The following CTNND2 variants were observed in gnomAD, a reference collection of about 807,000 sequenced individuals.
The protein encoded by CTNND2 is catenin delta-2.
CTNND2 carries 22 observed loss-of-function variants against 144.4 expected under a neutral mutation model. The ratio of observed to expected loss-of-function variants is 0.15; its 90% CI spans 0.11 to 0.22. CTNND2 has a LOEUF of 0.22. CTNND2 is among the 10% of genes least tolerant of loss of function. The pLI is 1.00. For missense variants in CTNND2, 1,353 were observed against 1,618.8 expected, an observed-to-expected ratio of 0.84 and a Z score of 2.82; for synonymous variants, 751 against 695.6, an observed-to-expected ratio of 1.08 and a Z score of -1.25.
chr5:11,081,107 C>T (rs976933784), intron 16 of CTNND2, among the ~76,000 whole-genome samples: 2 of 149,968 alleles, frequency 1.3e-5, no homozygotes, highest in African/African-American at 5.0e-5. Flanking sequence ...CACACACACA[C>T]TCACACACAC....
Position 11,349,882 on chromosome 5 carries a change from C to G in CTNND2, c.1373-3255G>C, listed in dbSNP as rs567974592. Among the ~76,000 whole-genome samples, 251 of 152,246 alleles carry G rather than the reference C, an allele frequency of 1.6e-3. 3 individuals carry two copies. The highest frequency in any genetic ancestry group is 5.9e-3 in the African/African-American group (245 of 41,550). On this transcript the variant is annotated intron_variant, in intron 8 of 21. Transcript: ENST00000304623. ...TCTACACTATTTCTCATTACATTTA[C>G]ACTGTTTCACTTTGGGAGGCTGAGG...
intron 16 of CTNND2, among the ~76,000 whole-genome samples, chr5:11,056,214 A>G (rs895305405): frequency 2.6e-5 from 4 of 152,220 alleles, no homozygotes; most frequent in African/African-American, 9.7e-5. Context: ...TCTGAAATGG[A>G]GAATCTAAAT....
Position 10,973,838 on chromosome 5 carries a change from C to T in CTNND2, c.3418-125G>A, listed in dbSNP as rs781775929. The stretch of plus-strand genomic sequence containing the variant: ...TATATCCAGGCATTCACCACTGTGG[C>T]CCTGCTTCTCCAAAACTGCCAACTG... On this transcript the variant is annotated intron_variant, in intron 21 of 21. Coordinates refer to ENST00000304623, the MANE Select transcript of CTNND2 (RefSeq NM_001332.4). The surrounding 1 kb of genome is among the most constrained non-coding windows in gnomAD (Gnocchi z 5.6). The T allele has an allele frequency of 6.9e-5, 74 of 1,072,114 alleles. No homozygotes were observed. The South Asian group carries it at 1.1e-3, about 15-fold the overall frequency. 66.4% of individuals were successfully genotyped at this position (1,072,114 alleles called of 1,614,324 possible). A position where few individuals can be genotyped will look rare whatever the true frequency, so the allele number is the denominator to read the frequency against.
chr5:11,447,846 A>T (rs755427211), intron 3 of CTNND2, among the ~76,000 whole-genome samples: 3 of 152,244 alleles, frequency 2.0e-5, no homozygotes, highest in African/African-American at 4.8e-5. Flanking sequence ...TGGGAACTGA[A>T]GAAAATTGCT....
chr5:11,683,126 T>C (rs1784491773), intron 2 of CTNND2, among the ~76,000 whole-genome samples: 1 of 152,228 alleles, frequency 6.6e-6, no homozygotes, highest in South Asian at 2.1e-4. Context: ...CGTGCACTTC[T>C]GGGGTTTATC....
At chr5:11,569,580 T>C (rs1203223702) in intron 2 of CTNND2, among the ~76,000 whole-genome samples, 1 of 152,126 alleles carries the variant, frequency 6.6e-6, no homozygotes, top group African/African-American at 2.4e-5. Flanking sequence ...GCTAACTTAG[T>C]ATGAAAACTG....
intron 3 of CTNND2, among the ~76,000 whole-genome samples, chr5:11,473,662 G>A (rs1767451949): frequency 6.6e-6 from 1 of 152,182 alleles, no homozygotes; most frequent in Non-Finnish European, 1.5e-5. Flanking sequence ...ACCCATTCTA[G>A]AGCACACTGA....
intron 1 of CTNND2, among the ~76,000 whole-genome samples, chr5:11,829,666 G>A (rs1036450640): frequency 6.6e-6 from 1 of 152,228 alleles, no homozygotes; most frequent in African/African-American, 2.4e-5. Flanking sequence ...TACAGAGGCA[G>A]GGCTCTCATG....
At chr5:11,772,759 T>TG (rs1475149105) in intron 1 of CTNND2, among the ~76,000 whole-genome samples, 1 of 152,080 alleles carries the variant, frequency 6.6e-6, no homozygotes, top group Non-Finnish European at 1.5e-5. Context: ...AAAGCCACGG[T>TG]GGGGGAGTCC....
intron 3 of CTNND2, among the ~76,000 whole-genome samples, chr5:11,509,045 C>T (rs1771369348): frequency 6.6e-6 from 1 of 152,142 alleles, no homozygotes; most frequent in South Asian, 2.1e-4. Flanking sequence ...AAGATGTTAA[C>T]ATGATTTAAC....
chr5:11,717,003 G>C (rs1391927293), intron 2 of CTNND2, among the ~76,000 whole-genome samples: 3 of 152,024 alleles, frequency 2.0e-5, no homozygotes, highest in African/African-American at 7.2e-5. Context: ...GAGTAGCTGA[G>C]ACTGCAGGTG....
intron 10 of CTNND2, among the ~76,000 whole-genome samples, chr5:11,230,320 A>G (rs1740862840): frequency 2.6e-5 from 4 of 151,526 alleles, no homozygotes; most frequent in Admixed American, 2.6e-4. Context: ...ATACATATGT[A>G]ACTAACCTGT....
intron 3 of CTNND2, among the ~76,000 whole-genome samples, chr5:11,421,435 C>T (rs1410866049): frequency 6.6e-6 from 1 of 152,120 alleles, no homozygotes; most frequent in Non-Finnish European, 1.5e-5. Flanking sequence ...TGCATATTGG[C>T]TTCGAGGCAC....
At chr5:11,047,111 G>A (rs1332138502) in intron 16 of CTNND2, among the ~76,000 whole-genome samples, 2 of 152,220 alleles carry the variant, frequency 1.3e-5, no homozygotes, top group African/African-American at 4.8e-5. Flanking sequence ...ATGACCGTGA[G>A]TGCCTCTGTG....
chr5:11,691,350 C>T (rs956524950), intron 2 of CTNND2, among the ~76,000 whole-genome samples: 11 of 149,810 alleles, frequency 7.3e-5, no homozygotes, highest in South Asian at 2.1e-4. Flanking sequence ...CCAGCCTGGG[C>T]GACAGAGCGA....
intron 3 of CTNND2, among the ~76,000 whole-genome samples, chr5:11,445,381 G>A (rs1406499525): frequency 1.3e-5 from 2 of 152,136 alleles, no homozygotes; most frequent in Non-Finnish European, 2.9e-5. Context: ...GGTCACGCAC[G>A]GTTTCCCGAG....
chr5:11,256,843 G>C (rs1455187674), intron 9 of CTNND2, among the ~76,000 whole-genome samples: 4 of 152,252 alleles, frequency 2.6e-5, no homozygotes, highest in African/African-American at 9.6e-5. Context: ...ACTAAGATTT[G>C]GGGCCAGGTA....
intron 1 of CTNND2, among the ~76,000 whole-genome samples, chr5:11,890,760 T>A (rs541434512): frequency 6.6e-6 from 1 of 152,158 alleles, no homozygotes; most frequent in Non-Finnish European, 1.5e-5. Flanking sequence ...TCATATGTTA[T>A]GAAAAAGATA....
chr5:11,735,775 A>G (rs34620677), intron 1 of CTNND2, among the ~76,000 whole-genome samples: 9,360 of 152,206 alleles, frequency 0.061, 437 homozygotes, highest in South Asian at 0.097. Context: ...ACCTTCTGCC[A>G]TGATTGTGAG....
Sources: gnomAD v4.1 joint callset for allele counts (sites outside exome capture counted in the v4.1 genomes callset) on GRCh38, gnomAD v4.1.1 for gene constraint, Gnocchi (gnomAD v3.1) non-coding constraint, MANE v1.5 for transcripts, NCBI Gene and HGNC (gene_info 2026-07-23, HGNC 2026-07-21) for gene names.